The following C10orf53 variants were observed in gnomAD, a reference collection of about 807,000 sequenced individuals.
C10orf53 encodes UPF0728 protein C10orf53.
A neutral mutation model predicts 9.4 loss-of-function variants in C10orf53; 8 were observed. The observed-to-expected ratio is 0.85, with a 90% CI of 0.50 to 1.53. The LOEUF (loss-of-function observed/expected upper bound fraction) is 1.53. Ranked by LOEUF, C10orf53 falls within the 40% of genes most tolerant of loss-of-function variation. C10orf53 has a pLI of 0.00. For missense variants in C10orf53, 117 were observed against 117.8 expected (o/e 0.99, Z 0.03); for synonymous variants, 48 against 46.0 (o/e 1.04, Z -0.18).
intron 2 of C10orf53, among the ~76,000 whole-genome samples, chr10:49,708,145 G>A (rs1424526202): frequency 2.0e-5 from 3 of 152,036 alleles, no homozygotes; most frequent in African/African-American, 7.3e-5. Context: ...TTTGTTACAT[G>A]CTAGATCCCA....
chr10:49,703,293 T>G (rs1243117394), intron 2 of C10orf53, among the ~76,000 whole-genome samples: 1 of 152,184 alleles, frequency 6.6e-6, no homozygotes, highest in Non-Finnish European at 1.5e-5. Flanking sequence ...TTACCTGCAC[T>G]TCATTGAATT....
At position 49,679,775 on chromosome 10, in the gene C10orf53, C is replaced by T. The variant is rs961659568; in HGVS notation, c.78C>T (p.Phe26=). ...AAGLPVEHHT[F]RLQGLQAVLA... ...GCCTACCGGTGGAGCACCACACCTT[C>T]CGCCTGCAGGGCCTGCAAGGTGGGC... Residue 26 remains phenylalanine, a synonymous_variant, in exon 1 of 3, where the codon TTC becomes TTT. Coordinates refer to ENST00000374111, the MANE Select transcript of C10orf53 (RefSeq NM_001042427.3). 5.8e-6 allele frequency: 9 copies of T among 1,542,932 alleles called. No individual in the cohort carries two copies. The highest frequency in any genetic ancestry group is 7.0e-6 in the Non-Finnish European group (8 of 1,144,442).
chr10:49,689,698 A>T (rs1840563590), intron 1 of C10orf53, among the ~76,000 whole-genome samples: 1 of 152,174 alleles, frequency 6.6e-6, no homozygotes. Flanking sequence ...CAGCCACTCT[A>T]TGTGTGTGAC....
At chr10:49,709,691 C>G (rs2132895685) in exon 3 of C10orf53, 1 of 152,650 alleles carries the variant, frequency 6.6e-6, no homozygotes, top group East Asian at 1.9e-4. Flanking sequence ...ATCTGAGCCT[C>G]ACTCACCTGT....
intron 1 of C10orf53, among the ~76,000 whole-genome samples, chr10:49,682,233 A>C (rs1013358057): frequency 1.3e-5 from 2 of 152,196 alleles, no homozygotes; most frequent in East Asian, 3.9e-4. Context: ...CAGAAACTGT[A>C]TTCCTTAAGC....
downstream of C10orf53, among the ~76,000 whole-genome samples, chr10:49,699,278 C>T (rs2132887709): frequency 6.9e-6 from 1 of 143,926 alleles, no homozygotes; most frequent in Admixed American, 7.2e-5. Context: ...ACTGCAGCCT[C>T]AAACTCCTGG....
At chr10:49,698,584 G>A (rs576391270), downstream of C10orf53, among the ~76,000 whole-genome samples, 4 of 152,260 alleles carry the variant, frequency 2.6e-5, no homozygotes, top group Admixed American at 2.0e-4. Context: ...GGGGTGTAAG[G>A]TTTCCACTAG....
chr10:49,685,921 G>A lies in C10orf53; in HGVS notation c.97+6127G>A, dbSNP rs775225970. Among the ~76,000 whole-genome samples, 44 of 152,030 alleles carry A rather than the reference G, an allele frequency of 2.9e-4. 1 individual carries two copies. The highest frequency in any genetic ancestry group is 5.9e-4 in the Non-Finnish European group (40 of 68,022). Reference sequence around the variant, plus strand: ...CATTATTTCTTCAGATATTCTTTCTGTCCCTTTCTCTATTTCCTTTTCTCC... The same window carrying A: ...CATTATTTCTTCAGATATTCTTTCTATCCCTTTCTCTATTTCCTTTTCTCC... On this transcript the variant is annotated intron_variant, in intron 1 of 2. Coordinates refer to ENST00000374111, the MANE Select transcript of C10orf53 (RefSeq NM_001042427.3).
chr10:49,690,740 T>C (rs1392931744), intron 1 of C10orf53, among the ~76,000 whole-genome samples: 1 of 152,146 alleles, frequency 6.6e-6, no homozygotes, highest in Non-Finnish European at 1.5e-5. Flanking sequence ...AACCAATCCA[T>C]AAAATAGAAT....
At chr10:49,709,975 G>GTGTGTGTGTGTGTC (rs1840753214) in exon 3 of C10orf53, 2 of 43,878 alleles carry the variant, frequency 4.6e-5, no homozygotes, top group African/African-American at 1.7e-4. Context: ...GTGTGTGTCT[G>GTGTGTGTGTGTGTC]TGTGTGTGTG....
intron 1 of C10orf53, among the ~76,000 whole-genome samples, chr10:49,691,562 G>T (rs1330500820): frequency 6.6e-6 from 1 of 152,230 alleles, no homozygotes; most frequent in Admixed American, 6.5e-5. Context: ...TCTCTTAAGA[G>T]GGTTTCTTCC....
chr10:49,689,012 G>C (rs1373918135), intron 1 of C10orf53, among the ~76,000 whole-genome samples: 1 of 152,160 alleles, frequency 6.6e-6, no homozygotes, highest in Non-Finnish European at 1.5e-5. Flanking sequence ...GAGGGAAGGG[G>C]CAGGAGTTCT....
At chr10:49,687,934 TG>T in intron 1 of C10orf53, among the ~76,000 whole-genome samples, 1 of 152,252 alleles carries the variant, frequency 6.6e-6, no homozygotes, top group Non-Finnish European at 1.5e-5. Context: ...TGGCAGGGTG[TG>T]GGGTGGAATG....
chr10:49,694,207 C>A, intron 2 of C10orf53: 2 of 580,230 alleles, frequency 3.4e-6, no homozygotes, highest in Non-Finnish European at 6.0e-6. Context: ...AATATGTATT[C>A]TGTTATTATT....
chr10:49,698,030 C>A (rs1840650838), downstream of C10orf53, among the ~76,000 whole-genome samples: 1 of 152,172 alleles, frequency 6.6e-6, no homozygotes, highest in African/African-American at 2.4e-5. Context: ...GTGGCTCACA[C>A]CTGTAATCCC....
intron 2 of C10orf53, among the ~76,000 whole-genome samples, chr10:49,708,017 C>T (rs1385717732): frequency 6.6e-6 from 1 of 152,128 alleles, no homozygotes; most frequent in Non-Finnish European, 1.5e-5. Context: ...TATTTCTGTA[C>T]ACCACCCAAG....
Position 49,679,683 on chromosome 10 carries a change from G to C in C10orf53, c.-15G>C. On this transcript the variant is annotated 5_prime_UTR_variant, in exon 1 of 3. Coordinates refer to ENST00000374111, the MANE Select transcript of C10orf53 (RefSeq NM_001042427.3). The stretch of plus-strand genomic sequence containing the variant: ...TGTGTTTCTCCCTTGCCTCTGCGGC[G>C]GCGGAGGCCTGGCGATGCCCAAGAA... 6.5e-7 allele frequency: 1 copy of C among 1,544,526 alleles called. No individual in the cohort carries two copies. The highest frequency in any genetic ancestry group is 8.7e-7 in the Non-Finnish European group (1 of 1,144,324).
At chr10:49,679,857 G>A in intron 1 of C10orf53, 63 bp downstream of exon 1, 1 of 1,432,344 alleles carries the variant, frequency 7.0e-7, no homozygotes, top group South Asian at 1.3e-5. Flanking sequence ...TGCAGGTGGT[G>A]CCCTGTGCCT....
chr10:49,706,540 TG>T (rs1682987037), intron 2 of C10orf53, among the ~76,000 whole-genome samples: 2 of 152,042 alleles, frequency 1.3e-5, no homozygotes, highest in South Asian at 4.2e-4. Context: ...AGACAGAAAG[TG>T]GATTAGTGGT....
Sources: gnomAD v4.1 joint callset for allele counts (sites outside exome capture counted in the v4.1 genomes callset) on GRCh38, gnomAD v4.1.1 for gene constraint, MANE v1.5 for transcripts, NCBI Gene and HGNC (gene_info 2026-07-23, HGNC 2026-07-21) for gene names.